CDH18: variants seen among roughly 807,000 people sequenced by gnomAD.
CDH18 encodes cadherin 18, also known as cadherin-18.
In CDH18, 31 loss-of-function variants were observed where a neutral mutation model predicts 67.9. That is an observed-to-expected ratio of 0.46 (90% CI 0.34 to 0.62). The LOEUF is 0.62. CDH18 is among the 20% of genes least tolerant of loss of function. The pLI is 0.01. For missense variants in CDH18, 890 were observed against 975.5 expected (o/e 0.91, Z 1.17); for synonymous variants, 362 against 347.2 (o/e 1.04, Z -0.48).
intron 2 of CDH18, among the ~76,000 whole-genome samples, chr5:19,921,561 A>G (rs1460862753): frequency 4.6e-5 from 7 of 151,890 alleles, no homozygotes; most frequent in Non-Finnish European, 8.8e-5. Context: ...AATTAAAGAC[A>G]TAATGGAGAA....
chr5:19,774,411 A>AAAAAT (rs2149752211), intron 3 of CDH18, among the ~76,000 whole-genome samples: 1 of 13,952 alleles, frequency 7.2e-5, no homozygotes, highest in African/African-American at 1.1e-4. Context: ...AAACCTTGTC[A>AAAAAT]AAAATAAAAT....
At chr5:19,688,436 T>C (rs1002316450) in intron 5 of CDH18, among the ~76,000 whole-genome samples, 4 of 152,162 alleles carry the variant, frequency 2.6e-5, no homozygotes, top group Non-Finnish European at 5.9e-5. Context: ...ATTGCTGTTC[T>C]TTACAGCTGA....
At chr5:20,163,529 C>T (rs1024389371) in intron 2 of CDH18, among the ~76,000 whole-genome samples, 1 of 152,076 alleles carries the variant, frequency 6.6e-6, no homozygotes, top group African/African-American at 2.4e-5. Context: ...TTTAAACTTA[C>T]TTTTATCATT....
intron 1 of CDH18, among the ~76,000 whole-genome samples, chr5:20,303,087 C>T (rs1724461287): frequency 6.6e-6 from 1 of 152,096 alleles, no homozygotes; most frequent in African/African-American, 2.4e-5. Context: ...TCTTTCATTA[C>T]CTTATTACAT....
intron 4 of CDH18, among the ~76,000 whole-genome samples, chr5:19,728,903 C>A (rs549437815): frequency 6.6e-6 from 1 of 152,180 alleles, no homozygotes; most frequent in Non-Finnish European, 1.5e-5. Context: ...AAATTTCATT[C>A]TATACAGGAG....
intron 5 of CDH18, among the ~76,000 whole-genome samples, chr5:19,667,177 C>T (rs1445981436): frequency 6.6e-6 from 1 of 151,438 alleles, no homozygotes; most frequent in Admixed American, 6.6e-5. Flanking sequence ...TTCACCAAAA[C>T]TAAATTTATA....
intron 2 of CDH18, among the ~76,000 whole-genome samples, chr5:20,079,139 T>C (rs1744223030): frequency 6.6e-6 from 1 of 152,138 alleles, no homozygotes; most frequent in South Asian, 2.1e-4. Context: ...CACCACGCCA[T>C]GCAATAGAAC....
chr5:20,069,902 G>A (rs146185139), intron 2 of CDH18, among the ~76,000 whole-genome samples: 8 of 152,000 alleles, frequency 5.3e-5, no homozygotes. Flanking sequence ...AAATGATCAC[G>A]GCACCTATAA....
intron 1 of CDH18, among the ~76,000 whole-genome samples, chr5:20,495,134 T>A (rs1753829623): frequency 6.6e-6 from 1 of 152,144 alleles, no homozygotes. Context: ...TTGGAGTTTA[T>A]CATTTTTTTC....
intron 1 of CDH18, among the ~76,000 whole-genome samples, chr5:20,352,244 A>G (rs1741241223): frequency 6.6e-6 from 1 of 152,192 alleles, no homozygotes; most frequent in African/African-American, 2.4e-5. Context: ...GACGAAGAGA[A>G]TGGAGACCTC....
intron 2 of CDH18, among the ~76,000 whole-genome samples, chr5:19,918,151 C>T (rs949089826): frequency 6.6e-6 from 1 of 152,156 alleles, no homozygotes; most frequent in Non-Finnish European, 1.5e-5. Context: ...TTATGTACAT[C>T]GTGTGCCACA....
chr5:20,525,192 T>A (rs1755974203), intron 1 of CDH18, among the ~76,000 whole-genome samples: 1 of 152,136 alleles, frequency 6.6e-6, no homozygotes, highest in East Asian at 1.9e-4. Context: ...CCAGAAGCCC[T>A]GAGATTCTTG....
At chr5:20,241,436 G>T (rs572441081) in intron 2 of CDH18, among the ~76,000 whole-genome samples, 2 of 152,216 alleles carry the variant, frequency 1.3e-5, no homozygotes, top group African/African-American at 4.8e-5. Flanking sequence ...TGGGTTAATG[G>T]CTGAAAGAGC....
At chr5:20,179,150 T>A (rs1329128592) in intron 2 of CDH18, among the ~76,000 whole-genome samples, 1 of 152,054 alleles carries the variant, frequency 6.6e-6, no homozygotes, top group African/African-American at 2.4e-5. Flanking sequence ...AAAGACAAAA[T>A]AATAATATTA....
rs377531736 is a variant in CDH18, at chr5:20,046,944, T to G, written c.-517-54930A>C. On this transcript the variant is annotated intron_variant, in intron 2 of 14. Coordinates refer to the CDH18 transcript ENST00000507958. ...GAGAGCAGCACACCAACATGGCACA[T>G]GTATACATATGTAACTAACCTGCAC... is the stretch of plus-strand genomic sequence containing the variant. 5.9e-5 allele frequency among the ~76,000 whole-genome samples: 9 copies of G among 152,012 alleles called. No individual in the cohort carries two copies. In the South Asian group the frequency reaches 1.2e-3, roughly 21 times the overall value.
chr5:19,557,195 A>C (rs1000127047), intron 8 of CDH18, among the ~76,000 whole-genome samples: 3 of 152,130 alleles, frequency 2.0e-5, no homozygotes, highest in Non-Finnish European at 4.4e-5. Context: ...TTAAAGCATA[A>C]ATTTCAAATG....
At chr5:20,234,368 A>G (rs1256974974) in intron 2 of CDH18, among the ~76,000 whole-genome samples, 1 of 152,134 alleles carries the variant, frequency 6.6e-6, no homozygotes, top group African/African-American at 2.4e-5. Context: ...CCACTTTTTT[A>G]TACTACCTAT....
chr5:20,347,573 G>A (rs890414110), intron 1 of CDH18, among the ~76,000 whole-genome samples: 1 of 152,220 alleles, frequency 6.6e-6, no homozygotes, highest in Non-Finnish European at 1.5e-5. Context: ...ATGTGGTTAA[G>A]AGCTTCCCCT....
At chr5:19,957,285 C>T (rs900804786) in intron 2 of CDH18, among the ~76,000 whole-genome samples, 7 of 151,378 alleles carry the variant, frequency 4.6e-5, no homozygotes, top group Non-Finnish European at 7.4e-5. Flanking sequence ...AACATAAACA[C>T]ACAAACATGC....
Sources: allele counts gnomAD v4.1 joint callset (sites outside exome capture counted in the v4.1 genomes callset), GRCh38; gene constraint gnomAD v4.1.1; transcripts MANE v1.5; gene names NCBI Gene and HGNC (gene_info 2026-07-23, HGNC 2026-07-21).